Variants in FHOD3 observed in about 807,000 individuals in gnomAD.
The protein encoded by FHOD3 is formin homology 2 domain containing 3.
A neutral mutation model predicts 173.0 loss-of-function variants in FHOD3; 90 were observed. The observed-to-expected ratio is 0.52, with a 90% CI of 0.44 to 0.62. FHOD3 has a LOEUF of 0.62. Ranked by LOEUF, FHOD3 falls within the 20% of genes least tolerant of loss-of-function variation. The probability of loss-of-function intolerance (pLI) is 0.00; values close to 1 mark genes in which losing one functional copy is unlikely to be tolerated. For synonymous variants in FHOD3, 828 were observed against 823.0 expected (o/e 1.01, Z -0.10); for missense variants, 1,945 against 2,034.7 (o/e 0.96, Z 0.85).
At chr18:36,316,951 C>T (rs906447109) in intron 1 of FHOD3, among the ~76,000 whole-genome samples, 2 of 151,918 alleles carry the variant, frequency 1.3e-5, no homozygotes, top group Admixed American at 1.3e-4. Context: ...TCAGCTCCCA[C>T]TTATGAGTGA....
chr18:36,314,476 A>G (rs2044023689), intron 1 of FHOD3, among the ~76,000 whole-genome samples: 1 of 152,346 alleles, frequency 6.6e-6, no homozygotes, highest in South Asian at 2.1e-4. Context: ...GTAATGGAGG[A>G]ATGCAGCCGA....
intron 24 of FHOD3, among the ~76,000 whole-genome samples, chr18:36,753,588 T>G (rs1413066330): frequency 2.0e-5 from 3 of 152,248 alleles, no homozygotes; most frequent in Non-Finnish European, 2.9e-5. Context: ...GAAAAATTGC[T>G]AAGTCATGTA....
intron 8 of FHOD3, among the ~76,000 whole-genome samples, chr18:36,609,067 C>A (rs1416695577): frequency 6.6e-6 from 1 of 152,230 alleles, no homozygotes; most frequent in Non-Finnish European, 1.5e-5. Context: ...GACGGAATTT[C>A]CCCCTCTGAG....
chr18:36,677,563 A>T (rs1348318737), intron 14 of FHOD3, among the ~76,000 whole-genome samples: 2 of 152,208 alleles, frequency 1.3e-5, no homozygotes, highest in African/African-American at 4.8e-5. Flanking sequence ...CTATCTGTGT[A>T]TGAGTCTGTG....
At chr18:36,758,938 T>G (rs183390335) in intron 25 of FHOD3, among the ~76,000 whole-genome samples, 180 bp from the exon 26 acceptor site, 1 of 152,246 alleles carries the variant, frequency 6.6e-6, no homozygotes, top group African/African-American at 2.4e-5. Flanking sequence ...AGTGTCCAGA[T>G]GAGGACAAGA....
At chr18:36,464,977 AC>A (rs1030224914) in intron 3 of FHOD3, among the ~76,000 whole-genome samples, 3 of 152,170 alleles carry the variant, frequency 2.0e-5, no homozygotes, top group African/African-American at 7.2e-5. Context: ...GATGTTTACA[AC>A]TTTTTAAATA....
chr18:36,724,641 C>T (rs1330296925), intron 19 of FHOD3, among the ~76,000 whole-genome samples: 1 of 152,242 alleles, frequency 6.6e-6, no homozygotes, highest in East Asian at 1.9e-4. Flanking sequence ...TAGACAGCCT[C>T]TCTTTCCACA....
At chr18:36,592,192 C>G (rs1044759448) in intron 6 of FHOD3, among the ~76,000 whole-genome samples, 3 of 152,116 alleles carry the variant, frequency 2.0e-5, no homozygotes, top group Non-Finnish European at 4.4e-5. Flanking sequence ...TGCCTCCAGC[C>G]TGGGCAACAG....
chr18:36,704,547 C>T (rs2039764624), intron 17 of FHOD3, among the ~76,000 whole-genome samples: 1 of 152,190 alleles, frequency 6.6e-6, no homozygotes, highest in African/African-American at 2.4e-5. Flanking sequence ...TGAGCCGTGG[C>T]ATCTCTTGAC....
At chr18:36,552,444 A>C (rs1014945346) in intron 5 of FHOD3, among the ~76,000 whole-genome samples, 1 of 152,024 alleles carries the variant, frequency 6.6e-6, no homozygotes, top group African/African-American at 2.4e-5. Flanking sequence ...ATCTGCAAAC[A>C]GGGACAATTT....
intron 3 of FHOD3, among the ~76,000 whole-genome samples, chr18:36,449,504 T>A (rs1401110741): frequency 1.3e-5 from 2 of 152,178 alleles, no homozygotes; most frequent in Non-Finnish European, 2.9e-5. Flanking sequence ...GGAACACAGG[T>A]CCATCTGACC....
intron 4 of FHOD3, among the ~76,000 whole-genome samples, chr18:36,509,744 T>A (rs570064640): frequency 1.3e-5 from 2 of 152,316 alleles, no homozygotes; most frequent in African/African-American, 4.8e-5. Flanking sequence ...TTCTCTGATT[T>A]GAAAACATTA....
At chr18:36,468,711 G>A (rs1006166677) in intron 3 of FHOD3, among the ~76,000 whole-genome samples, 1 of 152,200 alleles carries the variant, frequency 6.6e-6, no homozygotes, top group African/African-American at 2.4e-5. Context: ...GTTGGTGGCA[G>A]AGCTCAGTCC....
intron 1 of FHOD3, among the ~76,000 whole-genome samples, chr18:36,352,234 A>AC (rs921298759): frequency 1.5e-4 from 23 of 152,034 alleles, no homozygotes; most frequent in East Asian, 7.7e-4. Flanking sequence ...CAACAGTGAG[A>AC]CCCCCCTGCT....
chr18:36,733,022 C>G (rs1401171271), intron 20 of FHOD3, among the ~76,000 whole-genome samples: 1 of 152,120 alleles, frequency 6.6e-6, no homozygotes, highest in Admixed American at 6.5e-5. Flanking sequence ...GAGTAAATAC[C>G]ACTAGAGGGA....
In FHOD3 at chr18:36,674,348, T is replaced by C. The variant is rs566071146; in HGVS notation, c.1836-7088T>C. On this transcript the variant is annotated intron_variant, in intron 14 of 28. Coordinates refer to ENST00000590592, the MANE Select transcript of FHOD3 (RefSeq NM_001281740.3). The stretch of plus-strand genomic sequence containing the variant: ...GCAGATCCTCTTCCACCCTCAATTT[T>C]GTGACAGGCTTGAGGCCCTTCTTTT... 5.9e-5 allele frequency among the ~76,000 whole-genome samples: 9 copies of C among 152,354 alleles called. No individual in the cohort carries two copies. The South Asian group carries it at 1.4e-3, about 25-fold the overall frequency.
intron 5 of FHOD3, among the ~76,000 whole-genome samples, chr18:36,515,633 C>T (rs1423217420): frequency 1.3e-5 from 2 of 152,206 alleles, no homozygotes; most frequent in Non-Finnish European, 2.9e-5. Flanking sequence ...CCACCTGCTG[C>T]TTCTGTTTTC....
intron 5 of FHOD3, among the ~76,000 whole-genome samples, chr18:36,521,923 G>A (rs1418025637): frequency 6.6e-6 from 1 of 152,128 alleles, no homozygotes; most frequent in Non-Finnish European, 1.5e-5. Flanking sequence ...TGCCTACAAG[G>A]CCTCGCTCAC....
intron 17 of FHOD3, among the ~76,000 whole-genome samples, chr18:36,700,993 T>C (rs531426754): frequency 6.6e-6 from 1 of 152,366 alleles, no homozygotes; most frequent in South Asian, 2.1e-4. Context: ...ATGCAGGGCT[T>C]ACCTCACTGT....
Sources: gnomAD v4.1 joint callset for allele counts (sites outside exome capture counted in the v4.1 genomes callset) on GRCh38, gnomAD v4.1.1 for gene constraint, MANE v1.5 for transcripts, NCBI Gene and HGNC (gene_info 2026-07-23, HGNC 2026-07-21) for gene names.